Variants in RIN2 observed in about 807,000 individuals in gnomAD.
RIN2 encodes the protein Ras and Rab interactor 2, also known as RAB5 interacting protein 2.
A neutral mutation model predicts 78.0 loss-of-function variants in RIN2; 36 were observed. The ratio of observed to expected loss-of-function variants is 0.46; its 90% confidence interval spans 0.35 to 0.61. The LOEUF (loss-of-function observed/expected upper bound fraction) is 0.61, where lower values mean the gene tolerates loss of function less well. RIN2 is among the 20% of genes least tolerant of loss of function. The probability of loss-of-function intolerance (pLI) is 0.00; values close to 1 mark genes in which losing one functional copy is unlikely to be tolerated. For synonymous variants in RIN2, 466 were observed against 466.8 expected, an observed-to-expected ratio of 1.00 and a Z score of 0.02; for missense variants, 1,087 against 1,159.7, an observed-to-expected ratio of 0.94 and a Z score of 0.91.
upstream of RIN2, chr20:19,758,179 T>TCTCCC (rs149225112): frequency 6.7e-5 from 10 of 150,362 alleles, no homozygotes; most frequent in East Asian, 5.9e-4. Flanking sequence ...TTTCCTCTCC[T>TCTCCC]CTCCCCTCCC....
At chr20:19,758,788 C>T (rs1053232277) in intron 1 of RIN2, among the ~76,000 whole-genome samples, 1 of 152,204 alleles carries the variant, frequency 6.6e-6, no homozygotes, top group Admixed American at 6.5e-5. Context: ...CGCCTGAGCG[C>T]GCGGGTCAGA....
At chr20:19,900,075 C>T (rs1471998266) in intron 3 of RIN2, among the ~76,000 whole-genome samples, 1 of 152,206 alleles carries the variant, frequency 6.6e-6, no homozygotes, top group African/African-American at 2.4e-5. Flanking sequence ...GAAGGAGAAA[C>T]TGCTCTCTCA....
At chr20:19,935,623 CA>C (rs1383796243) in intron 4 of RIN2, 1 of 990,614 alleles carries the variant, frequency 1.0e-6, no homozygotes, top group Non-Finnish European at 1.2e-6. Flanking sequence ...AGAAAAACCC[CA>C]GCAGTCTCCA....
chr20:19,775,007 T>C (rs1174323170), intron 1 of RIN2, among the ~76,000 whole-genome samples: 1 of 152,156 alleles, frequency 6.6e-6, no homozygotes, highest in Non-Finnish European at 1.5e-5. Context: ...GGAGGCATTA[T>C]TTAAGGAGAT....
chr20:19,879,526 T>C (rs4814916), intron 2 of RIN2, among the ~76,000 whole-genome samples: 24,796 of 152,216 alleles, frequency 0.16, 2,558 homozygotes, highest in East Asian at 0.29. Flanking sequence ...CAGAGGAGGC[T>C]ATCTGTTCTC....
chr20:19,796,698 A>C (rs543381896), intron 1 of RIN2, among the ~76,000 whole-genome samples: 2 of 152,182 alleles, frequency 1.3e-5, no homozygotes, highest in African/African-American at 4.8e-5. Context: ...CCCATCCCCA[A>C]ATTGATTTGG....
chr20:19,845,251 T>C (rs2036743527), intron 2 of RIN2, among the ~76,000 whole-genome samples: 1 of 152,220 alleles, frequency 6.6e-6, no homozygotes, highest in African/African-American at 2.4e-5. Context: ...ATATACCCAG[T>C]AATGGGATTG....
chr20:19,787,812 G>A (rs561229301), intron 1 of RIN2, among the ~76,000 whole-genome samples: 4 of 152,302 alleles, frequency 2.6e-5, no homozygotes, highest in African/African-American at 9.6e-5. Context: ...AGGATAGACA[G>A]TTCAGGTATT....
intron 3 of RIN2, among the ~76,000 whole-genome samples, chr20:19,926,334 A>C (rs2040219432): frequency 6.6e-6 from 1 of 152,160 alleles, no homozygotes. Context: ...AGTAATACAC[A>C]AAGTTAAAAG....
intron 4 of RIN2, among the ~76,000 whole-genome samples, chr20:19,938,263 G>T (rs2040726989): frequency 6.6e-6 from 1 of 152,156 alleles, no homozygotes; most frequent in African/African-American, 2.4e-5. Context: ...CTGTTACCCA[G>T]GCTGGAGTGC....
chr20:19,956,766 G>T lies in RIN2; in HGVS notation c.310G>T (p.Glu104Ter). ...CATATGGCTGCAGCTGAGTCTGAGT[G>T]AGGAGGAGGCAGCAGAGGTCCTGCA... is the stretch of plus-strand genomic sequence containing the variant. ...HPIWLQLSLSEEEAAEVLQAQ... is the reference protein window; with the variant it reads ...HPIWLQLSLS Residue 104 changes from glutamate (E) to a stop codon, truncating the protein, a stop_gained, in exon 5 of 13, where the codon GAG becomes TAG. Coordinates refer to ENST00000255006, the MANE Select transcript of RIN2 (RefSeq NM_018993.4). LOFTEE classifies it high-confidence loss of function. 6.2e-7 allele frequency: 1 copy of T among 1,603,164 alleles called. No individual in the cohort carries two copies. The highest frequency in any genetic ancestry group is 2.3e-5 in the East Asian group (1 of 44,406).
intron 2 of RIN2, among the ~76,000 whole-genome samples, chr20:19,882,287 A>G (rs1362336831): frequency 1.3e-5 from 2 of 152,222 alleles, no homozygotes; most frequent in African/African-American, 4.8e-5. Context: ...GGAATCTTAA[A>G]CAGTAAAGTT....
chr20:19,866,100 C>A (rs2037497694), intron 2 of RIN2, among the ~76,000 whole-genome samples: 1 of 152,044 alleles, frequency 6.6e-6, no homozygotes, highest in Non-Finnish European at 1.5e-5. Context: ...TGGTTTCCTG[C>A]AACTAGATGG....
rs1235185888 is a variant in RIN2 at position 19,975,309 on chromosome 20, G to A, written c.1284G>A (p.Arg428=). 2 of 1,607,002 alleles carry A rather than the reference G, an allele frequency of 1.2e-6. No individual in the cohort carries two copies. Among genetic ancestry groups the A allele is most frequent in the South Asian group, 2.2e-5 (2 of 89,918 alleles). Residue 428 remains arginine, a synonymous_variant, in exon 9 of 13, where the codon CGG becomes CGA. Transcript: ENST00000255006. The surrounding 1 kb of genome is among the most constrained non-coding windows in gnomAD (Gnocchi z 4.9). The stretch of plus-strand genomic sequence containing the variant: ...CCCCGTGCCATGGAGGCCGGCAGCG[G>A]CTGAGCGACATGAGCATTTCTACTT... ...SRPPCHGGRQ[R]LSDMSISTSS...
Position 19,975,027 on chromosome 20 carries a change from G to A in RIN2, c.1002G>A (p.Met334Ile). Residue 334 changes from methionine to isoleucine, a missense_variant, in exon 9 of 13, where the codon ATG becomes ATA. Coordinates refer to ENST00000255006, the MANE Select transcript of RIN2 (RefSeq NM_018993.4). The surrounding 1 kb of genome is among the most constrained non-coding windows in gnomAD (Gnocchi z 4.9). ...RLARTETQTSMPETVNHNKHG... is the reference protein window; with the variant it reads ...RLARTETQTSIPETVNHNKHG... The stretch of plus-strand genomic sequence containing the variant: ...CCAGGACTGAAACCCAGACGAGCAT[G>A]CCAGAAACAGTCAACCATAACAAAC... 6.2e-7 allele frequency: 1 copy of A among 1,612,868 alleles called. No individual in the cohort carries two copies. Among genetic ancestry groups the A allele is most frequent in the Non-Finnish European group, 8.5e-7 (1 of 1,179,780 alleles).
At chr20:19,950,180 G>T (rs560718363) in intron 4 of RIN2, among the ~76,000 whole-genome samples, 103 of 152,306 alleles carry the variant, frequency 6.8e-4, no homozygotes, top group Admixed American at 1.8e-3. Context: ...AATTGGAATG[G>T]GTGGAGGCTG....
At chr20:19,880,968 A>G (rs1463917745) in intron 2 of RIN2, among the ~76,000 whole-genome samples, 1 of 152,222 alleles carries the variant, frequency 6.6e-6, no homozygotes, top group African/African-American at 2.4e-5. Flanking sequence ...CTTGGTTAAG[A>G]TGAGAGCCAG....
At chr20:19,865,272 T>C (rs919059148) in intron 2 of RIN2, among the ~76,000 whole-genome samples, 8 of 152,180 alleles carry the variant, frequency 5.3e-5, no homozygotes, top group Non-Finnish European at 1.2e-4. Flanking sequence ...TGACATATTT[T>C]CTATACAGTA....
At chr20:19,791,304 A>T (rs568244893) in intron 1 of RIN2, among the ~76,000 whole-genome samples, 61 of 152,376 alleles carry the variant, frequency 4.0e-4, no homozygotes, top group Middle Eastern at 3.4e-3. Flanking sequence ...GAATGAATTT[A>T]TTTGAGAAAA....
Sources: allele counts gnomAD v4.1 joint callset (sites outside exome capture counted in the v4.1 genomes callset), GRCh38; gene constraint gnomAD v4.1.1; non-coding constraint Gnocchi (gnomAD v3.1); transcripts MANE v1.5; gene names NCBI Gene and HGNC (gene_info 2026-07-23, HGNC 2026-07-21).